LZTFL1: variants seen among roughly 807,000 people sequenced by gnomAD.
The protein encoded by LZTFL1 is leucine zipper transcription factor like 1, also known as leucine zipper transcription factor-like protein 1.
A neutral mutation model predicts 45.9 loss-of-function variants in LZTFL1; 25 were observed. The observed-to-expected ratio is 0.54, with a 90% CI of 0.40 to 0.76. The LOEUF (loss-of-function observed/expected upper bound fraction) is 0.76. Among genes scored for constraint, LZTFL1 ranks in the 30% least tolerant of loss-of-function variants. The pLI is 0.00. For missense variants in LZTFL1, 277 were observed against 331.1 expected, an observed-to-expected ratio of 0.84 and a Z score of 1.27; for synonymous variants, 93 against 117.4, an observed-to-expected ratio of 0.79 and a Z score of 1.35.
In LZTFL1 at chr3:45,899,223, T is replaced by C. The variant is rs967448556; in HGVS notation, c.-215+13897A>G. On this transcript the variant is annotated intron_variant, in intron 2 of 4. Transcript: ENST00000472635. Reference sequence around the variant, plus strand: ...TTGTAGGACTTTTCAGATCCTTCAATGTGCTCAGGAGTATTGTGAATTTCA... The same window carrying C: ...TTGTAGGACTTTTCAGATCCTTCAACGTGCTCAGGAGTATTGTGAATTTCA... Among the ~76,000 whole-genome samples, 6 of 152,220 alleles carry C rather than the reference T, an allele frequency of 3.9e-5. No homozygotes were observed. In the East Asian group the frequency reaches 9.6e-4, roughly 24 times the overall value.
In LZTFL1 at chr3:45,835,744, C is replaced by A; in HGVS notation, c.169G>T (p.Val57Phe). 1 of 1,613,966 alleles carries A rather than the reference C, an allele frequency of 6.2e-7. No individual in the cohort carries two copies. Among genetic ancestry groups the A allele is most frequent in the Non-Finnish European group, 8.5e-7 (1 of 1,179,918 alleles). Residue 57 changes from valine to phenylalanine, a missense_variant, in exon 3 of 10, where the codon GTC becomes TTC. Transcript: ENST00000296135. ...ACCACAGCTTGTAATCCATTGAGGACTTCAGAGACTTCATCTATGGTGAAG... is the reference window on the plus strand; with the variant it reads ...ACCACAGCTTGTAATCCATTGAGGAATTCAGAGACTTCATCTATGGTGAAG... Reference protein sequence around the residue: ...DTFTIDEVSEVLNGLQAVVHS... With the variant: ...DTFTIDEVSEFLNGLQAVVHS...
At chr3:45,906,557 C>T (rs368823848) in intron 2 of LZTFL1, among the ~76,000 whole-genome samples, 12 of 152,174 alleles carry the variant, frequency 7.9e-5, no homozygotes, top group African/African-American at 2.9e-4. Context: ...TCTCACTGAC[C>T]ATGTCATGCA....
Position 45,835,464 on chromosome 3 carries a change from G to A in LZTFL1, c.323+126C>T. ...AGATCACTCAGTGACTCAATGCTTTGCTGTTACCCTACCCAAATTTCCTCA... is the reference window on the plus strand; with the variant it reads ...AGATCACTCAGTGACTCAATGCTTTACTGTTACCCTACCCAAATTTCCTCA... On this transcript the variant is annotated intron_variant, in intron 3 of 9. Transcript: ENST00000296135. 6.4e-6 allele frequency: 5 copies of A among 785,894 alleles called. 1 individual carries two copies. Among genetic ancestry groups the A allele is most frequent in the South Asian group, 6.2e-5 (4 of 64,510 alleles). The allele number at this position is 785,894 out of a possible 1,614,324, so 48.7% of individuals were successfully genotyped here. A position where few individuals can be genotyped will look rare whatever the true frequency, so the allele number is the denominator to read the frequency against.
chr3:45,907,378 C>T (rs1451881781), intron 2 of LZTFL1, among the ~76,000 whole-genome samples: 1 of 152,228 alleles, frequency 6.6e-6, no homozygotes, highest in African/African-American at 2.4e-5. Context: ...GTGCCTGCTC[C>T]ACCAGCGGCC....
intron 2 of LZTFL1, among the ~76,000 whole-genome samples, chr3:45,867,147 CAAAAA>C (rs58937842): frequency 3.2e-5 from 2 of 63,262 alleles, no homozygotes; most frequent in East Asian, 9.8e-4. Context: ...GACTCAATCT[CAAAAA>C]AAAAAAAAAA....
chr3:45,893,657 C>T (rs867377224), intron 2 of LZTFL1, among the ~76,000 whole-genome samples: 32 of 152,314 alleles, frequency 2.1e-4, no homozygotes, highest in Admixed American at 5.2e-4. Flanking sequence ...TTCCATTGGA[C>T]GGATATTTCA....
chr3:45,897,003 C>T (rs17078401), intron 2 of LZTFL1, among the ~76,000 whole-genome samples: 1 of 152,196 alleles, frequency 6.6e-6, no homozygotes, highest in African/African-American at 2.4e-5. Flanking sequence ...GTGTTCACAA[C>T]TGGGACGCCT....
At chr3:45,833,168 C>G (rs1465093312) in intron 4 of LZTFL1, 47 bp from the exon 5 acceptor site, 1 of 1,291,458 alleles carries the variant, frequency 7.7e-7, no homozygotes, top group Non-Finnish European at 1.1e-6. Context: ...CAGAATAAAG[C>G]ATGTATAATC....
chr3:45,841,513 G>A (rs1022370677), intron 1 of LZTFL1, among the ~76,000 whole-genome samples: 1 of 152,296 alleles, frequency 6.6e-6, no homozygotes, highest in Middle Eastern at 3.4e-3. Context: ...CGTTCTCCCT[G>A]CTCCTCTGGT....
At chr3:45,841,698 C>T in intron 1 of LZTFL1, 1 of 552,446 alleles carries the variant, frequency 1.8e-6, no homozygotes, top group Non-Finnish European at 3.2e-6. Flanking sequence ...TCCTCACCTG[C>T]CACCTAAGAG....
chr3:45,878,515 G>A (rs895899928), intron 2 of LZTFL1, among the ~76,000 whole-genome samples: 1 of 151,870 alleles, frequency 6.6e-6, no homozygotes, highest in Non-Finnish European at 1.5e-5. Context: ...TGGGGGATGG[G>A]GCCCATTTCT....
At chr3:45,883,567 T>C (rs1276306203) in intron 2 of LZTFL1, 1 of 279,206 alleles carries the variant, frequency 3.6e-6, no homozygotes, top group Non-Finnish European at 6.9e-6. Context: ...TTATTGTGAG[T>C]TGAATGGCGT....
chr3:45,899,097 C>T (rs750661713), intron 2 of LZTFL1, among the ~76,000 whole-genome samples: 26 of 152,160 alleles, frequency 1.7e-4, no homozygotes, highest in East Asian at 5.8e-4. Flanking sequence ...ACCTGGGAGG[C>T]GGAGGTTGCA....
chr3:45,877,498 TG>T (rs1403520831), intron 2 of LZTFL1, among the ~76,000 whole-genome samples: 1 of 152,072 alleles, frequency 6.6e-6, no homozygotes, highest in Non-Finnish European at 1.5e-5. Context: ...CCCCCCAAAG[TG>T]TTGGGTTTAC....
intron 2 of LZTFL1, among the ~76,000 whole-genome samples, chr3:45,903,737 G>C (rs1464138164): frequency 6.6e-6 from 1 of 152,232 alleles, no homozygotes; most frequent in African/African-American, 2.4e-5. Context: ...CCGTGAGGGG[G>C]CAGTGGGTGG....
chr3:45,883,057 A>G (rs1701890631), intron 2 of LZTFL1, among the ~76,000 whole-genome samples: 1 of 152,172 alleles, frequency 6.6e-6, no homozygotes, highest in South Asian at 2.1e-4. Flanking sequence ...TATACTCAGA[A>G]GCATTCCAAG....
chr3:45,842,002 A>G lies in LZTFL1; in HGVS notation c.-11T>C, dbSNP rs779236684. 6.2e-7 allele frequency: 1 copy of G among 1,609,542 alleles called. No individual in the cohort carries two copies. Among genetic ancestry groups the G allele is most frequent in the Non-Finnish European group, 8.5e-7 (1 of 1,179,074 alleles). ...TCGGTTACTCACCATGGCGGCAGGC[A>G]GCGGCGGCAGCCTAAAGGAACGGGA... On this transcript the variant is annotated 5_prime_UTR_variant, in exon 1 of 10. Transcript: ENST00000296135.
intron 4 of LZTFL1, among the ~76,000 whole-genome samples, chr3:45,849,200 G>C (rs555504440): frequency 6.6e-6 from 1 of 152,280 alleles, no homozygotes; most frequent in Admixed American, 6.5e-5. Context: ...GGGGCACTTA[G>C]CTCAATTTAG....
rs953429064 is a variant in LZTFL1, at chr3:45,897,410, T to A, written c.-215+15710A>T. ...CTTAATTCTCACCCAGCAGAAAAAC[T>A]ATGCCCCCTGGGCTTCCAGCAGGAC... On this transcript the variant is annotated intron_variant, in intron 2 of 4. Coordinates refer to the LZTFL1 transcript ENST00000472635. The A allele has an allele frequency of 4.7e-6, 3 of 635,420 alleles. No individual in the cohort carries two copies. The African/African-American group carries it at 5.5e-5, about 12-fold the overall frequency. 39.4% of individuals were successfully genotyped at this position (635,420 alleles called of 1,614,324 possible).
Sources: allele counts gnomAD v4.1 joint callset (sites outside exome capture counted in the v4.1 genomes callset), GRCh38; gene constraint gnomAD v4.1.1; transcripts MANE v1.5; gene names NCBI Gene and HGNC (gene_info 2026-07-23, HGNC 2026-07-21).